DNAH17: variants seen among roughly 807,000 people sequenced by gnomAD.
DNAH17 encodes dynein axonemal heavy chain 17.
DNAH17 carries 376 observed loss-of-function variants against 485.6 expected under a neutral mutation model. That is an observed-to-expected ratio of 0.77 (90% CI 0.71 to 0.84). The LOEUF (loss-of-function observed/expected upper bound fraction) is 0.84, where lower values mean the gene tolerates loss of function less well. DNAH17 is among the 40% of genes least tolerant of loss of function. DNAH17 has a pLI of 0.00. For missense variants in DNAH17, 6,370 were observed against 5,839.3 expected (o/e 1.09, Z -2.96); for synonymous variants, 3,031 against 2,405.9 (o/e 1.26, Z -7.60).
rs960832910 is a variant in DNAH17 at position 78,484,421 on chromosome 17, T to A, written c.7649+447A>T. On this transcript the variant is annotated intron_variant, in intron 48 of 80. Coordinates refer to ENST00000389840, the MANE Select transcript of DNAH17 (RefSeq NM_173628.4). ...GCTGCCAGCTTCCAGCTGTGCACCA[T>A]CTCCCCAGGGGCATCTCTCTGCTGG... is the stretch of plus-strand genomic sequence containing the variant. Among the ~76,000 whole-genome samples the A allele has an allele frequency of 1.2e-4, 19 of 152,128 alleles. No individual in the cohort carries two copies. In the South Asian group the frequency reaches 4.0e-3, roughly 32 times the overall value.
intron 55 of DNAH17, among the ~76,000 whole-genome samples, chr17:78,467,567 C>T (rs1042324364): frequency 2.0e-4 from 30 of 152,128 alleles, no homozygotes; most frequent in Non-Finnish European, 2.9e-4. Context: ...GAGGGAGGAC[C>T]CTGCTCTGTT....
Position 78,539,786 on chromosome 17 carries a change from T to G in DNAH17, c.2627A>C (p.Gln876Pro). ...GAAACTCAGAGATTTGCGAATGAAC[T>G]GGTCAAATTCATCTAAGACCATGTC... is the stretch of plus-strand genomic sequence containing the variant. ...IDDMVLDEFD[Q>P]FIRKSLSFLM... The change falls in exon 18 of 81, where the codon CAG becomes CCG. Residue 876 changes from glutamine (Q) to proline (P), a missense_variant. Gln to Pro is a moderately conservative substitution (Grantham distance 76). Transcript: ENST00000389840. The G allele has an allele frequency of 1.2e-6, 2 of 1,612,012 alleles. No individual in the cohort carries two copies. The highest frequency in any genetic ancestry group is 2.2e-5 in the East Asian group (1 of 44,862).
intron 21 of DNAH17, among the ~76,000 whole-genome samples, chr17:78,530,136 C>T (rs140074379): frequency 9.8e-5 from 15 of 152,352 alleles, no homozygotes; most frequent in African/African-American, 2.4e-4. Context: ...CTCGGTACAC[C>T]GGGTTTGGAG....
At chr17:78,487,159 T>A (rs971430394) in intron 44 of DNAH17, among the ~76,000 whole-genome samples, 2 of 151,968 alleles carry the variant, frequency 1.3e-5, no homozygotes, top group Admixed American at 1.3e-4. Context: ...CGGTGAGGGG[T>A]GTGGACTCTG....
At position 78,551,615 on chromosome 17, in the gene DNAH17, C is replaced by G; in HGVS notation, c.2311G>C (p.Val771Leu). ...GEGVFQYIQE[V>L]REILHNLQNR... ...TGCAAGTTGTGCAGAATTTCTCGCACCTCTTGAATGTACTGAAACACACCT... is the reference window on the plus strand; with the variant it reads ...TGCAAGTTGTGCAGAATTTCTCGCAGCTCTTGAATGTACTGAAACACACCT... Residue 771 changes from valine (V) to leucine (L), a missense_variant, in exon 16 of 81, where the codon GTG becomes CTG. Coordinates refer to ENST00000389840, the MANE Select transcript of DNAH17 (RefSeq NM_173628.4). 3 of 1,613,940 alleles carry G rather than the reference C, an allele frequency of 1.9e-6. No individual in the cohort carries two copies. Among genetic ancestry groups the G allele is most frequent in the Admixed American group, 1.7e-5 (1 of 60,022 alleles).
chr17:78,481,988 C>T (rs1014239990), intron 48 of DNAH17, among the ~76,000 whole-genome samples: 2 of 151,946 alleles, frequency 1.3e-5, no homozygotes, highest in African/African-American at 4.8e-5. Flanking sequence ...GCACTCCAGC[C>T]TGGGCAACAG....
chr17:78,512,615 T>C (rs1364551458), intron 26 of DNAH17, among the ~76,000 whole-genome samples: 1 of 152,030 alleles, frequency 6.6e-6, no homozygotes, highest in African/African-American at 2.4e-5. Flanking sequence ...TGCCAAGGAG[T>C]CCCACCGCCC....
At position 78,459,926 on chromosome 17, in the gene DNAH17, G is replaced by A; in HGVS notation, c.9511C>T (p.Leu3171=). Residue 3171 remains leucine, a synonymous_variant, in exon 60 of 81, where the codon CTG becomes TTG. Transcript: ENST00000389840. The stretch of plus-strand genomic sequence containing the variant: ...GGGATCTTGCCCCCAGGTGCGGTCA[G>A]AATCATGACGGCGGCGGTGACGTTG... The part of the protein sequence containing the change: ...VVNVTAAVMI[L]TAPGGKIPKD... 1 of 1,613,996 alleles carries A rather than the reference G, an allele frequency of 6.2e-7. No individual in the cohort carries two copies. Among genetic ancestry groups the A allele is most frequent in the Non-Finnish European group, 8.5e-7 (1 of 1,179,898 alleles).
chr17:78,488,383 C>CT (rs1418435667), intron 44 of DNAH17, among the ~76,000 whole-genome samples: 1 of 152,202 alleles, frequency 6.6e-6, no homozygotes, highest in African/African-American at 2.4e-5. Flanking sequence ...CTCTCCTCTG[C>CT]CAATACTCAG....
chr17:78,473,108 G>A (rs1246560358), intron 54 of DNAH17, among the ~76,000 whole-genome samples: 1 of 152,176 alleles, frequency 6.6e-6, no homozygotes, highest in East Asian at 1.9e-4. Flanking sequence ...CCCCCATAGG[G>A]GTGAGCCTAT....
chr17:78,502,354 G>T, intron 33 of DNAH17: 2 of 401,970 alleles, frequency 5.0e-6, no homozygotes, highest in Non-Finnish European at 4.4e-6. Flanking sequence ...CAATTTTCAG[G>T]CGAGAAATCA....
At chr17:78,467,259 G>A (rs1568097860) in intron 55 of DNAH17, among the ~76,000 whole-genome samples, 2 of 152,234 alleles carry the variant, frequency 1.3e-5, no homozygotes, top group Non-Finnish European at 2.9e-5. Context: ...GTGGAGACAG[G>A]CCTGGGGGGC....
At chr17:78,448,567 A>G (rs2087411574) in intron 69 of DNAH17, among the ~76,000 whole-genome samples, 1 of 152,166 alleles carries the variant, frequency 6.6e-6, no homozygotes, top group South Asian at 2.1e-4. Flanking sequence ...TAGTGTTTCC[A>G]ACCATACTTA....
In DNAH17 at chr17:78,551,554, C is replaced by A. The variant is rs61740096; in HGVS notation, c.2372G>T (p.Gly791Val). 1,171 of 1,613,990 alleles carry A rather than the reference C, an allele frequency of 7.3e-4. 6 individuals are homozygous for A. The African/African-American group carries it at 0.013, about 18-fold the overall frequency. Residue 791 changes from glycine to valine, a missense_variant, in exon 16 of 81, where the codon GGA (glycine) becomes GTA (valine). By Grantham distance (109) the Gly-to-Val change is moderately radical. Coordinates refer to ENST00000389840, the MANE Select transcript of DNAH17 (RefSeq NM_173628.4). Reference protein sequence around the residue: ...RMQKAKQNIEGISQAMKDWSA... With the variant: ...RMQKAKQNIEVISQAMKDWSA... ...GCTTACCTTCATAGCCTGGGAAATT[C>A]CTTCTATATTTTGTTTTGCCTTTTG...
chr17:78,558,311 G>A (rs2092072796), intron 13 of DNAH17, 57 bp from the exon 14 acceptor site: 4 of 1,580,044 alleles, frequency 2.5e-6, no homozygotes, highest in African/African-American at 1.3e-5. Context: ...ACAGTGCAGT[G>A]TTCAAGCAAC....
intron 19 of DNAH17, 142 bp from the exon 20 acceptor site, chr17:78,532,878 C>A: frequency 1.9e-6 from 2 of 1,061,256 alleles, no homozygotes; most frequent in South Asian, 3.3e-5. Flanking sequence ...CTTTTTCCAG[C>A]CTGGGCCGAT....
rs759575985 is a variant in DNAH17 at position 78,484,856 on chromosome 17, G to A, written c.7649+12C>T. 54 of 1,487,234 alleles carry A rather than the reference G, an allele frequency of 3.6e-5. No individual in the cohort carries two copies. In the South Asian group the frequency reaches 6.3e-4, roughly 17 times the overall value. 92.1% of individuals were successfully genotyped at this position (1,487,234 alleles called of 1,614,324 possible). ...GGGCCACGCCTTCCCCTCCGGCCCC[G>A]CCCCGTCTAACCAGTGCCGGTGGTC... is the stretch of plus-strand genomic sequence containing the variant. On this transcript the variant is annotated intron_variant, in intron 48 of 80. Coordinates refer to ENST00000389840, the MANE Select transcript of DNAH17 (RefSeq NM_173628.4).
chr17:78,543,294 T>A (rs2091654224), intron 17 of DNAH17, among the ~76,000 whole-genome samples: 2 of 151,360 alleles, frequency 1.3e-5, no homozygotes, highest in Non-Finnish European at 3.0e-5. Flanking sequence ...TTTGTTTTTT[T>A]TTTTTTTGAG....
At chr17:78,499,720 C>T (rs78627603) in intron 36 of DNAH17, 4,052 of 152,632 alleles carry the variant, frequency 0.027, 188 homozygotes, top group African/African-American at 0.092. Flanking sequence ...GAGGGGGCCC[C>T]CAGATTGTGG....
Sources: allele counts gnomAD v4.1 joint callset (sites outside exome capture counted in the v4.1 genomes callset), GRCh38; gene constraint gnomAD v4.1.1; transcripts MANE v1.5; gene names NCBI Gene and HGNC (gene_info 2026-07-23, HGNC 2026-07-21).